The following CADM2 variants were observed in gnomAD, a reference collection of about 807,000 sequenced individuals.
CADM2 encodes cell adhesion molecule 2.
In CADM2, 12 loss-of-function variants were observed where a neutral mutation model predicts 49.8. The ratio of observed to expected loss-of-function variants is 0.24; its 90% CI spans 0.15 to 0.39. The LOEUF is 0.39. Among genes scored for constraint, CADM2 ranks in the 10% least tolerant of loss-of-function variants. The probability of loss-of-function intolerance (pLI) is 1.00; values close to 1 mark genes in which losing one functional copy is unlikely to be tolerated. For synonymous variants in CADM2, 214 were observed against 175.4 expected (o/e 1.22, Z -1.74); for missense variants, 378 against 492.3 (o/e 0.77, Z 2.20).
chr3:85,294,355 C>G (rs2043893085), intron 1 of CADM2, among the ~76,000 whole-genome samples: 1 of 151,978 alleles, frequency 6.6e-6, no homozygotes. Flanking sequence ...GTGAAAATGG[C>G]CATACTGCCC....
chr3:86,015,582 G>T (rs1276458412), intron 8 of CADM2, among the ~76,000 whole-genome samples: 1 of 152,182 alleles, frequency 6.6e-6, no homozygotes, highest in African/African-American at 2.4e-5. Context: ...ACAGTTACAA[G>T]AAATTACCGG....
At chr3:85,830,513 A>C (rs1490062890) in intron 3 of CADM2, among the ~76,000 whole-genome samples, 1 of 151,864 alleles carries the variant, frequency 6.6e-6, no homozygotes, top group Non-Finnish European at 1.5e-5. Context: ...ACTGTGCAAA[A>C]GCTTTTTAGT....
At chr3:85,900,412 G>A (rs1715954150) in intron 5 of CADM2, among the ~76,000 whole-genome samples, 8 of 152,110 alleles carry the variant, frequency 5.3e-5, no homozygotes, top group Admixed American at 5.2e-4. Context: ...AATCATGCGA[G>A]TTTTGAGGTT....
intron 1 of CADM2, among the ~76,000 whole-genome samples, chr3:85,710,028 C>CA (rs1384560525): frequency 2.6e-5 from 4 of 152,128 alleles, no homozygotes; most frequent in African/African-American, 7.2e-5. Flanking sequence ...TCACAGCTCT[C>CA]CGGAAATGGA....
At chr3:85,491,414 T>C (rs1215264787) in intron 1 of CADM2, among the ~76,000 whole-genome samples, 1 of 152,206 alleles carries the variant, frequency 6.6e-6, no homozygotes, top group Non-Finnish European at 1.5e-5. Context: ...ACATTCTCTT[T>C]AATGGAAAAT....
intron 1 of CADM2, among the ~76,000 whole-genome samples, chr3:84,980,557 A>G (rs569729315): frequency 3.2e-4 from 48 of 152,264 alleles, no homozygotes; most frequent in African/African-American, 1.1e-3. Flanking sequence ...TGGCAAGATA[A>G]TAATAAGAAG....
chr3:84,997,104 TTC>T (rs1258550656), intron 1 of CADM2, among the ~76,000 whole-genome samples: 1 of 152,132 alleles, frequency 6.6e-6, no homozygotes, highest in Non-Finnish European at 1.5e-5. Context: ...CACTTAAAAA[TTC>T]TCTCTGTCTC....
chr3:85,829,941 C>T (rs1266811618), intron 3 of CADM2, among the ~76,000 whole-genome samples: 1 of 151,930 alleles, frequency 6.6e-6, no homozygotes, highest in Non-Finnish European at 1.5e-5. Context: ...GTTAATTTTA[C>T]CTCTTGACTA....
intron 8 of CADM2, among the ~76,000 whole-genome samples, chr3:85,968,558 C>T (rs1725738142): frequency 6.6e-6 from 1 of 151,520 alleles, no homozygotes; most frequent in Admixed American, 6.6e-5. Flanking sequence ...TCATTCCTGC[C>T]TTCTATCACT....
At chr3:85,670,885 C>G (rs1041220686) in intron 1 of CADM2, among the ~76,000 whole-genome samples, 1 of 152,146 alleles carries the variant, frequency 6.6e-6, no homozygotes, top group Non-Finnish European at 1.5e-5. Context: ...TCTGTTCCTG[C>G]CTTTCCCAAG....
chr3:85,146,608 T>G (rs778838820), intron 1 of CADM2, among the ~76,000 whole-genome samples: 1 of 152,234 alleles, frequency 6.6e-6, no homozygotes, highest in Non-Finnish European at 1.5e-5. Context: ...GTCACATGTT[T>G]GAATGTATTT....
At chr3:85,245,792 A>G (rs2042633410) in intron 1 of CADM2, among the ~76,000 whole-genome samples, 1 of 152,214 alleles carries the variant, frequency 6.6e-6, no homozygotes, top group Non-Finnish European at 1.5e-5. Context: ...CCACATGCCA[A>G]GTAGTGTGCT....
intron 3 of CADM2, among the ~76,000 whole-genome samples, chr3:85,816,269 C>T (rs1002830289): frequency 6.6e-6 from 1 of 151,512 alleles, no homozygotes; most frequent in East Asian, 1.9e-4. Context: ...CTCTAGAGCA[C>T]CAACCTAAAG....
intron 3 of CADM2, among the ~76,000 whole-genome samples, chr3:85,822,623 A>T (rs1223131750): frequency 6.6e-6 from 1 of 152,100 alleles, no homozygotes; most frequent in Non-Finnish European, 1.5e-5. Flanking sequence ...AATTGTATCC[A>T]AAAAAGGCAA....
intron 3 of CADM2, among the ~76,000 whole-genome samples, chr3:85,856,796 C>T (rs1404896819): frequency 1.3e-5 from 2 of 151,936 alleles, no homozygotes; most frequent in African/African-American, 4.8e-5. Flanking sequence ...AAAAACTTGC[C>T]TAAAAATCAC....
intron 1 of CADM2, among the ~76,000 whole-genome samples, chr3:85,266,025 C>T (rs1162550134): frequency 6.6e-6 from 1 of 151,688 alleles, no homozygotes. Context: ...TTTTCTATGC[C>T]CTTAGGTTTG....
intron 8 of CADM2, among the ~76,000 whole-genome samples, chr3:85,973,428 C>G (rs1166538846): frequency 1.3e-5 from 2 of 151,658 alleles, no homozygotes; most frequent in African/African-American, 4.8e-5. Context: ...ATAGAGCTAG[C>G]CACCCTGATG....
chr3:85,867,346 T>C lies in CADM2; in HGVS notation c.239-15945T>C, dbSNP rs188574120. 9.9e-5 allele frequency among the ~76,000 whole-genome samples: 15 copies of C among 152,160 alleles called. No homozygotes were observed. In the East Asian group the frequency reaches 2.9e-3, roughly 29 times the overall value. ...CATCACTCAAGTCTGTCACATTTAT[T>C]GTGTGCTCCTATATGTCTTAAAGAC... On this transcript the variant is annotated intron_variant, in intron 3 of 9. Transcript: ENST00000383699.
At chr3:85,408,867 T>C (rs2035527460) in intron 1 of CADM2, among the ~76,000 whole-genome samples, 2 of 152,136 alleles carry the variant, frequency 1.3e-5, no homozygotes, top group Non-Finnish European at 2.9e-5. Context: ...AGTTTACAAA[T>C]AAACAAGGGC....
Sources: gnomAD v4.1 joint callset for allele counts (sites outside exome capture counted in the v4.1 genomes callset) on GRCh38, gnomAD v4.1.1 for gene constraint, MANE v1.5 for transcripts, NCBI Gene and HGNC (gene_info 2026-07-23, HGNC 2026-07-21) for gene names.